The following FMN1 variants were observed in gnomAD, a reference collection of about 807,000 sequenced individuals.
FMN1 encodes the protein formin-1.
FMN1 carries 110 observed loss-of-function variants against 132.4 expected under a neutral mutation model. The observed-to-expected ratio is 0.83, with a 90% confidence interval of 0.71 to 0.97. FMN1 has a LOEUF of 0.97. FMN1 is among the 50% of genes least tolerant of loss of function. The pLI, the probability that FMN1 is intolerant of heterozygous loss-of-function variation, is 0.00. For synonymous variants in FMN1, 722 were observed against 651.7 expected, an observed-to-expected ratio of 1.11 and a Z score of -1.64; for missense variants, 1,792 against 1,705.3, an observed-to-expected ratio of 1.05 and a Z score of -0.90.
intron 4 of FMN1, among the ~76,000 whole-genome samples, chr15:33,100,289 G>A (rs1360429255): frequency 6.7e-6 from 1 of 149,378 alleles, no homozygotes; most frequent in Non-Finnish European, 1.5e-5. Flanking sequence ...TATAGTATAT[G>A]AATGCCTCAA....
rs1250914543 is a variant in FMN1 at position 32,804,448 on chromosome 15, G to A, written c.3929-116C>T. On this transcript the variant is annotated intron_variant, in intron 17 of 20. Transcript: ENST00000616417. Reference sequence around the variant, plus strand: ...AGGAGGTCTGAATTCGGGGGGGGGGGGGGGGGGTAGCCTGTAACACATGTC... The same window carrying A: ...AGGAGGTCTGAATTCGGGGGGGGGGAGGGGGGGTAGCCTGTAACACATGTC... The A allele has an allele frequency of 4.8e-5, 7 of 146,114 alleles. 2 individuals are homozygous for A. Among genetic ancestry groups the A allele is most frequent in the South Asian group, 6.4e-5 (1 of 15,664 alleles). 9.1% of individuals were successfully genotyped at this position (146,114 alleles called of 1,614,324 possible). A position where few individuals can be genotyped will look rare whatever the true frequency, so the allele number is the denominator to read the frequency against.
At chr15:33,068,026 C>CACTT in intron 5 of FMN1, 2 of 1,443,388 alleles carry the variant, frequency 1.4e-6, no homozygotes, top group Non-Finnish European at 9.0e-7. Context: ...ACAGCAAACA[C>CACTT]ACTTGGTCTC....
intron 4 of FMN1, among the ~76,000 whole-genome samples, chr15:33,109,876 T>C (rs940183136): frequency 1.1e-4 from 16 of 150,478 alleles, no homozygotes; most frequent in Non-Finnish European, 1.5e-4. Flanking sequence ...AACATTTCAC[T>C]GTAAATCAGG....
chr15:32,967,366 C>G (rs1026089933), intron 8 of FMN1, among the ~76,000 whole-genome samples: 1 of 152,176 alleles, frequency 6.6e-6, no homozygotes, highest in Non-Finnish European at 1.5e-5. Flanking sequence ...AACAGCTCCC[C>G]GTGCTGTCGG....
At chr15:33,178,045 G>A (rs1018517388) in intron 3 of FMN1, among the ~76,000 whole-genome samples, 3 of 151,824 alleles carry the variant, frequency 2.0e-5, no homozygotes, top group Non-Finnish European at 4.4e-5. Flanking sequence ...GGCGGGTACG[G>A]GCAGGAAGAA....
chr15:32,999,235 T>A (rs1233319000), intron 7 of FMN1, among the ~76,000 whole-genome samples: 1 of 152,176 alleles, frequency 6.6e-6, no homozygotes, highest in East Asian at 1.9e-4. Flanking sequence ...CACAGTATTA[T>A]CTGGGAATTA....
chr15:33,064,807 T>A, intron 6 of FMN1, 150 bp downstream of exon 6: 1 of 542,252 alleles, frequency 1.8e-6, no homozygotes, highest in Non-Finnish European at 3.2e-6. Flanking sequence ...GTGCAAAGGT[T>A]CACTTTAACA....
intron 7 of FMN1, among the ~76,000 whole-genome samples, chr15:32,984,978 C>CAAAAAAAAAAAAA (rs11330959): frequency 8.3e-4 from 81 of 97,228 alleles, no homozygotes; most frequent in Non-Finnish European, 9.8e-4. Context: ...CATCCATCAC[C>CAAAAAAAAAAAAA]AAAAAAAAAA....
chr15:33,001,166 C>A (rs954019284), intron 7 of FMN1, among the ~76,000 whole-genome samples: 1 of 152,158 alleles, frequency 6.6e-6, no homozygotes, highest in Admixed American at 6.5e-5. Context: ...GCTTGTAATT[C>A]CAGCTACTCA....
chr15:32,939,167 A>G (rs1156349850), intron 9 of FMN1, among the ~76,000 whole-genome samples: 1 of 152,238 alleles, frequency 6.6e-6, no homozygotes, highest in Non-Finnish European at 1.5e-5. Flanking sequence ...TTCCAGAGTG[A>G]TAACAATACT....
intron 18 of FMN1, among the ~76,000 whole-genome samples, chr15:32,802,709 G>C (rs1378789996): frequency 6.6e-6 from 1 of 152,172 alleles, no homozygotes. Context: ...AAAAGTATTA[G>C]AAATTTGACA....
At chr15:32,833,815 C>A (rs2058561635) in intron 17 of FMN1, among the ~76,000 whole-genome samples, 1 of 152,148 alleles carries the variant, frequency 6.6e-6, no homozygotes, top group African/African-American at 2.4e-5. Flanking sequence ...ACATTAAAGG[C>A]CACAATTTCA....
At chr15:32,789,959 G>C (rs917920678) in intron 19 of FMN1, among the ~76,000 whole-genome samples, 4 of 152,202 alleles carry the variant, frequency 2.6e-5, no homozygotes, top group Non-Finnish European at 5.9e-5. Context: ...ATCTAGGTTT[G>C]TGTAAGTACA....
Position 32,989,185 on chromosome 15 carries a change from G to A in FMN1, c.2223+18829C>T, listed in dbSNP as rs75950682. Among the ~76,000 whole-genome samples the A allele has an allele frequency of 5.6e-3, 856 of 152,240 alleles. 6 individuals are homozygous for A. Among genetic ancestry groups the A allele is most frequent in the Non-Finnish European group, 9.3e-3 (635 of 68,012 alleles). ...ACCAGTGATTAATTTATAGACTAATGCATTACTGTGATGGCAGATTCAACT... is the reference window on the plus strand; with the variant it reads ...ACCAGTGATTAATTTATAGACTAATACATTACTGTGATGGCAGATTCAACT... On this transcript the variant is annotated intron_variant, in intron 7 of 20. Coordinates refer to ENST00000616417, the MANE Select transcript of FMN1 (RefSeq NM_001277313.2).
At chr15:33,008,715 A>C (rs1187691730) in intron 6 of FMN1, among the ~76,000 whole-genome samples, 1 of 152,110 alleles carries the variant, frequency 6.6e-6, no homozygotes, top group Non-Finnish European at 1.5e-5. Context: ...GTACGTAAGA[A>C]CTCCAGCCAA....
At chr15:33,129,102 A>T (rs1963421481) in intron 4 of FMN1, among the ~76,000 whole-genome samples, 1 of 152,202 alleles carries the variant, frequency 6.6e-6, no homozygotes, top group Non-Finnish European at 1.5e-5. Flanking sequence ...AAAGTTCTCC[A>T]AGTCCCCACA....
At chr15:33,099,567 A>T (rs1199502034) in intron 4 of FMN1, among the ~76,000 whole-genome samples, 1 of 152,180 alleles carries the variant, frequency 6.6e-6, no homozygotes, top group African/African-American at 2.4e-5. Context: ...AATTGTCATA[A>T]CCCTAAAAGA....
chr15:32,771,984 G>A lies in FMN1; in HGVS notation c.*2326C>T, dbSNP rs2056261348. On this transcript the variant is annotated 3_prime_UTR_variant, in exon 21 of 21. Transcript: ENST00000616417. ...AATAGGTGAGAATAATGAAGATTCT[G>A]CCATGGTGTCTTACAACACTAACAT... 1 of 152,144 alleles carries A rather than the reference G, an allele frequency of 6.6e-6. No homozygotes were observed. The highest frequency in any genetic ancestry group is 2.4e-5 in the African/African-American group (1 of 41,420). 9.4% of individuals were successfully genotyped at this position (152,144 alleles called of 1,614,324 possible).
chr15:32,928,557 G>A (rs978875682), intron 9 of FMN1, among the ~76,000 whole-genome samples: 4 of 152,118 alleles, frequency 2.6e-5, no homozygotes, highest in South Asian at 4.1e-4. Flanking sequence ...AGATCAAGTC[G>A]TAAGAAGTTT....
Sources: gnomAD v4.1 joint callset for allele counts (sites outside exome capture counted in the v4.1 genomes callset) on GRCh38, gnomAD v4.1.1 for gene constraint, MANE v1.5 for transcripts, NCBI Gene and HGNC (gene_info 2026-07-23, HGNC 2026-07-21) for gene names.